The following FBXL19 variants were observed in gnomAD, a reference collection of about 807,000 sequenced individuals.
FBXL19 encodes F-box and leucine rich repeat protein 19.
In FBXL19, 16 loss-of-function variants were observed where a neutral mutation model predicts 71.2. That is an observed-to-expected ratio of 0.22 (90% CI 0.15 to 0.34). FBXL19 has a LOEUF of 0.34. Among genes scored for constraint, FBXL19 ranks in the 10% least tolerant of loss-of-function variants. The pLI, the probability that FBXL19 is intolerant of heterozygous loss-of-function variation, is 1.00. For synonymous variants in FBXL19, 447 were observed against 409.4 expected, an observed-to-expected ratio of 1.09 and a Z score of -1.11; for missense variants, 658 against 968.2, an observed-to-expected ratio of 0.68 and a Z score of 4.25.
chr16:30,930,525 G>C lies in FBXL19; in HGVS notation c.1242G>C (p.Gln414His). 6.6e-7 allele frequency: 1 copy of C among 1,513,914 alleles called. No homozygotes were observed. The allele number at this position is 1,513,914 out of a possible 1,614,324, so 93.8% of individuals were successfully genotyped here. ...LPRAAWLRVF[Q>H]HLGPRELCIC... is the part of the protein sequence containing the mutation. ...GGGCCGCCTGGCTTCGCGTCTTCCAGCACCTCGGGCCGCGGGAGCTGTGTA... is the reference window on the plus strand; with the variant it reads ...GGGCCGCCTGGCTTCGCGTCTTCCACCACCTCGGGCCGCGGGAGCTGTGTA... Residue 414 changes from glutamine to histidine, a missense_variant, in exon 7 of 11, where the codon CAG (glutamine) becomes CAC (histidine). Gln to His is a conservative substitution (Grantham distance 24). This residue lies in a region of FBXL19 where 447 missense variants were observed against 515.4 expected (regional missense o/e 0.87). Coordinates refer to ENST00000338343, the MANE Select transcript of FBXL19 (RefSeq NM_001382779.1). The surrounding 1 kb of genome is among the most constrained non-coding windows in gnomAD (Gnocchi z 8.5).
chr16:30,933,834 C>T (rs1016184522), intron 7 of FBXL19, among the ~76,000 whole-genome samples: 5 of 151,420 alleles, frequency 3.3e-5, no homozygotes, highest in Non-Finnish European at 7.4e-5. Flanking sequence ...CTCGCCACAA[C>T]CTCCACCTCC....
chr16:30,933,041 C>T (rs1401726097), intron 7 of FBXL19, among the ~76,000 whole-genome samples: 1 of 151,776 alleles, frequency 6.6e-6, no homozygotes, highest in African/African-American at 2.4e-5. Flanking sequence ...TGCTCTGTCA[C>T]CCAGGCTGGA....
Position 30,946,614 on chromosome 16 carries a change from C to CA in FBXL19, c.1628-115dup. ...GGGTGTTTTTGAGAAGAGCAAGCCA[C>CA]AGAGTGCACCAGGTCACTCACTTAT... On this transcript the variant is annotated intron_variant, in intron 9 of 10. Coordinates refer to ENST00000338343, the MANE Select transcript of FBXL19 (RefSeq NM_001382779.1). The surrounding 1 kb of genome is among the most constrained non-coding windows in gnomAD (Gnocchi z 6.7). 1 of 981,460 alleles carries CA rather than the reference C, an allele frequency of 1.0e-6. No homozygotes were observed. Among genetic ancestry groups the CA allele is most frequent in the Non-Finnish European group, 1.5e-6 (1 of 662,660 alleles). 60.8% of individuals were successfully genotyped at this position (981,460 alleles called of 1,614,324 possible).
At chr16:30,940,374 C>T (rs1018891584) in intron 7 of FBXL19, among the ~76,000 whole-genome samples, 3 of 150,968 alleles carry the variant, frequency 2.0e-5, no homozygotes, top group South Asian at 2.1e-4. Context: ...GAGCTGTGAT[C>T]GCAGTACTGC....
chr16:30,945,850 A>C (rs1250668495), intron 9 of FBXL19, among the ~76,000 whole-genome samples: 12 of 52,336 alleles, frequency 2.3e-4, no homozygotes, highest in Non-Finnish European at 2.8e-4. Flanking sequence ...CGTCTCGGGG[A>C]AAAAAAAAAA....
chr16:30,928,532 G>A lies in FBXL19; in HGVS notation c.693G>A (p.Ser231=), dbSNP rs752080541. 23 of 1,607,576 alleles carry A rather than the reference G, an allele frequency of 1.4e-5. No individual in the cohort carries two copies. Among genetic ancestry groups the A allele is most frequent in the Non-Finnish European group, 1.7e-5 (20 of 1,177,014 alleles). Residue 231 remains serine, a synonymous_variant, in exon 6 of 11, where the codon TCG becomes TCA. Coordinates refer to ENST00000338343, the MANE Select transcript of FBXL19 (RefSeq NM_001382779.1). ...VGGDACLLRG[S]DPGGPGLLPP... is the part of the protein sequence containing the mutation. ...GAGACGCCTGCCTCCTCCGAGGATCGGACCCAGGCGGCCCGGGCCTGCTGC... is the reference window on the plus strand; with the variant it reads ...GAGACGCCTGCCTCCTCCGAGGATCAGACCCAGGCGGCCCGGGCCTGCTGC...
rs184635642 is a variant in FBXL19, at chr16:30,933,229, C to T, written c.1301+2645C>T. Among the ~76,000 whole-genome samples, 920 of 152,278 alleles carry T rather than the reference C, an allele frequency of 6.0e-3. 12 individuals carry two copies. Among genetic ancestry groups the T allele is most frequent in the African/African-American group, 0.021 (868 of 41,560 alleles). ...TGTTGGTCAGGCTGGTCTCGAACTCCTGACCTCAGGTGATTCGCCTGCCTC... is the reference window on the plus strand; with the variant it reads ...TGTTGGTCAGGCTGGTCTCGAACTCTTGACCTCAGGTGATTCGCCTGCCTC... On this transcript the variant is annotated intron_variant, in intron 7 of 10. Transcript: ENST00000338343.
At chr16:30,924,699 C>A in intron 1 of FBXL19, 2 of 1,485,678 alleles carry the variant, frequency 1.3e-6, no homozygotes, top group South Asian at 2.8e-5. Flanking sequence ...CAGGCCCCTC[C>A]CCTGGAGCGC....
rs545792884 is a variant in FBXL19 at position 30,942,103 on chromosome 16, C to G, written c.1302-13C>G. 9 of 1,556,620 alleles carry G rather than the reference C, an allele frequency of 5.8e-6. No individual in the cohort carries two copies. Among genetic ancestry groups the G allele is most frequent in the Non-Finnish European group, 7.9e-6 (9 of 1,146,326 alleles). Reference sequence around the variant, plus strand: ...GAGGGCTGAGGTCTCTGTCTCCCCCCTATGGCCGCCAGGTGCTATGACAAG... The same window carrying G: ...GAGGGCTGAGGTCTCTGTCTCCCCCGTATGGCCGCCAGGTGCTATGACAAG... On this transcript the variant is annotated splice_polypyrimidine_tract_variant and intron_variant, in intron 7 of 10. Coordinates refer to ENST00000338343, the MANE Select transcript of FBXL19 (RefSeq NM_001382779.1). The surrounding 1 kb of genome is among the most constrained non-coding windows in gnomAD (Gnocchi z 5.7).
chr16:30,927,767 G>C lies in FBXL19; in HGVS notation c.431G>C (p.Arg144Pro). Residue 144 changes from arginine (R) to proline (P), a missense_variant, in exon 5 of 11, where the codon CGC becomes CCC. Physicochemically the swap from Arg to Pro is moderately radical, Grantham distance 103 (BLOSUM62 -2). Around this residue, in one of 8 missense-constraint regions of FBXL19, gnomAD observed 447 missense variants for 515.4 expected, o/e 0.87. Transcript: ENST00000338343. ...TSKDSGEGPGRRRADNGEEGA... is the reference protein window; with the variant it reads ...TSKDSGEGPGPRRADNGEEGA... The stretch of plus-strand genomic sequence containing the variant: ...TAGGATTCAGGTGAGGGGCCTGGCC[G>C]CCGTAGGGCCGACAACGGCGAGGAG... 3 of 1,556,922 alleles carry C rather than the reference G, an allele frequency of 1.9e-6. No homozygotes were observed. The highest frequency in any genetic ancestry group is 1.2e-5 in the South Asian group (1 of 84,422).
intron 7 of FBXL19, among the ~76,000 whole-genome samples, chr16:30,941,584 G>A (rs375254071): frequency 1.3e-5 from 2 of 152,304 alleles, no homozygotes; most frequent in African/African-American, 2.4e-5. Flanking sequence ...GTCCAGCTGC[G>A]GGCAGCTGGC....
chr16:30,929,467 C>T (rs147432432), intron 6 of FBXL19, among the ~76,000 whole-genome samples: 83 of 152,326 alleles, frequency 5.4e-4, no homozygotes, highest in African/African-American at 1.8e-3. Flanking sequence ...TGAGGGCAAG[C>T]CAGGATTCAA....
chr16:30,947,035 C>T lies in FBXL19; in HGVS notation c.1847-17C>T, dbSNP rs1012092190. 1.3e-6 allele frequency: 2 copies of T among 1,585,602 alleles called. No homozygotes were observed. Among genetic ancestry groups the T allele is most frequent in the Admixed American group, 1.8e-5 (1 of 56,406 alleles). ...TTGCTCACCTGCCTGGTCTCAGCTC[C>T]ACTGCCCCATCCCCAGGTTGCCACC... is the stretch of plus-strand genomic sequence containing the variant. On this transcript the variant is annotated splice_polypyrimidine_tract_variant and intron_variant, in intron 10 of 10. Coordinates refer to ENST00000338343, the MANE Select transcript of FBXL19 (RefSeq NM_001382779.1).
chr16:30,930,704 T>A lies in FBXL19; in HGVS notation c.1301+120T>A. On this transcript the variant is annotated intron_variant, in intron 7 of 10. Transcript: ENST00000338343. The surrounding 1 kb of genome is among the most constrained non-coding windows in gnomAD (Gnocchi z 8.5). ...TTTTATATTGGGGATACTTCTCTAG[T>A]ATGCACAGATTACAGTGCATCCTTC... 1 of 1,090,884 alleles carries A rather than the reference T, an allele frequency of 9.2e-7. No homozygotes were observed. The highest frequency in any genetic ancestry group is 1.2e-6 in the Non-Finnish European group (1 of 824,390). 67.6% of individuals were successfully genotyped at this position (1,090,884 alleles called of 1,614,324 possible). A position where few individuals can be genotyped will look rare whatever the true frequency, so the allele number is the denominator to read the frequency against.
Position 30,927,890 on chromosome 16 carries a change from C to T in FBXL19, c.554C>T (p.Pro185Leu), listed in dbSNP as rs764049236. The T allele has an allele frequency of 1.3e-6, 2 of 1,534,296 alleles. No homozygotes were observed. The highest frequency in any genetic ancestry group is 1.2e-5 in the South Asian group (1 of 81,198). Residue 185 changes from proline (P) to leucine (L), a missense_variant, in exon 5 of 11, where the codon CCG becomes CTG. By Grantham distance (98) the Pro-to-Leu change is moderately conservative (BLOSUM62 -3). This residue lies in a region of FBXL19 where 447 missense variants were observed against 515.4 expected (regional missense o/e 0.87). Transcript: ENST00000338343. ...RKGPLPAGPP[P>L]EDVPGPPKRK... Reference sequence around the variant, plus strand: ...GGCCCCCTGCCTGCCGGGCCCCCCCCGGAGGACGTGCCTGGGCCCCCCAAA... The same window carrying T: ...GGCCCCCTGCCTGCCGGGCCCCCCCTGGAGGACGTGCCTGGGCCCCCCAAA...
intron 1 of FBXL19, chr16:30,924,666 C>T: frequency 7.0e-7 from 1 of 1,420,972 alleles, no homozygotes; most frequent in Non-Finnish European, 9.1e-7. Context: ...AAGCCCCCAC[C>T]CCCGCCTGCA....
chr16:30,947,531 A>C lies in FBXL19; in HGVS notation c.*301A>C. On this transcript the variant is annotated 3_prime_UTR_variant, in exon 11 of 11. Transcript: ENST00000338343. ...CCGAAGGGACGGTGGGAGGGGGGTT[A>C]TGGTGCAAGTGTTGGGGGGGAGAAT... The C allele has an allele frequency of 3.1e-6, 1 of 323,988 alleles. No homozygotes were observed. The highest frequency in any genetic ancestry group is 5.8e-6 in the Non-Finnish European group (1 of 172,708). The allele number at this position is 323,988 out of a possible 1,614,324, so 20.1% of individuals were successfully genotyped here. A position where few individuals can be genotyped will look rare whatever the true frequency, so the allele number is the denominator to read the frequency against.
Sources: allele counts gnomAD v4.1 joint callset (sites outside exome capture counted in the v4.1 genomes callset), GRCh38; gene constraint gnomAD v4.1.1; regional missense constraint gnomAD v4.1.1; non-coding constraint Gnocchi (gnomAD v3.1); transcripts MANE v1.5; gene names NCBI Gene and HGNC (gene_info 2026-07-23, HGNC 2026-07-21).